The following BACH2 variants were observed in gnomAD, a reference collection of about 807,000 sequenced individuals.
BACH2 encodes transcription regulator protein BACH2.
Under a neutral mutation model 61.8 loss-of-function variants are expected in BACH2, and 5 were observed. The ratio of observed to expected loss-of-function variants is 0.08; its 90% CI spans 0.04 to 0.17. The LOEUF (loss-of-function observed/expected upper bound fraction) is 0.17. Ranked by LOEUF, BACH2 falls within the 10% of genes least tolerant of loss-of-function variation. The pLI is 1.00. For missense variants in BACH2, 824 were observed against 1,091.1 expected (o/e 0.76, Z 3.45); for synonymous variants, 446 against 440.1 (o/e 1.01, Z -0.17).
At chr6:90,145,006 G>A (rs1270049972) in intron 4 of BACH2, among the ~76,000 whole-genome samples, 1 of 152,134 alleles carries the variant, frequency 6.6e-6, no homozygotes, top group African/African-American at 2.4e-5. Flanking sequence ...CAGAGATCGT[G>A]ACCTTTCTGT....
At chr6:90,229,392 G>C (rs1345659163) in intron 3 of BACH2, among the ~76,000 whole-genome samples, 3 of 152,042 alleles carry the variant, frequency 2.0e-5, no homozygotes, top group African/African-American at 7.2e-5. Flanking sequence ...CTTGGGAGGC[G>C]GAGGTTGCGG....
chr6:90,181,450 G>C (rs1182790529), intron 4 of BACH2, among the ~76,000 whole-genome samples: 1 of 151,782 alleles, frequency 6.6e-6, no homozygotes, highest in Non-Finnish European at 1.5e-5. Flanking sequence ...AGACAAAAGA[G>C]GAAAAGTTGT....
chr6:90,160,949 G>A (rs917115395), intron 4 of BACH2, among the ~76,000 whole-genome samples: 4 of 152,080 alleles, frequency 2.6e-5, no homozygotes, highest in East Asian at 1.9e-4. Context: ...TTAGCTGGGC[G>A]TGGTGGCGTG....
intron 2 of BACH2, among the ~76,000 whole-genome samples, chr6:90,269,953 C>CCATTATAT (rs1482834019): frequency 2.0e-5 from 3 of 152,118 alleles, no homozygotes; most frequent in African/African-American, 7.2e-5. Flanking sequence ...TCTCCAGAGT[C>CCATTATAT]CATTATATCA....
chr6:90,161,013 G>A (rs900499015), intron 4 of BACH2, among the ~76,000 whole-genome samples: 11 of 151,720 alleles, frequency 7.3e-5, no homozygotes, highest in South Asian at 4.2e-4. Context: ...GCTTGAACCC[G>A]GGAGGCGGAG....
In BACH2 at chr6:90,295,691, T is replaced by C. The variant is rs560993459; in HGVS notation, c.-446+789A>G. Among the ~76,000 whole-genome samples the C allele has an allele frequency of 6.0e-5, 9 of 148,884 alleles. No individual in the cohort carries two copies. The South Asian group carries it at 1.5e-3, about 24-fold the overall frequency. Reference sequence around the variant, plus strand: ...TGTGTGTGTGTGTGTGTGTTGCACCTTGACTTCATGGAGGATCTGTGGGAG... The same window carrying C: ...TGTGTGTGTGTGTGTGTGTTGCACCCTGACTTCATGGAGGATCTGTGGGAG... On this transcript the variant is annotated intron_variant, in intron 1 of 8. Transcript: ENST00000257749.
intron 3 of BACH2, among the ~76,000 whole-genome samples, chr6:90,241,738 C>T (rs1770460372): frequency 6.6e-6 from 1 of 151,738 alleles, no homozygotes; most frequent in Non-Finnish European, 1.5e-5. Context: ...CAGGAAGTTG[C>T]CAAACTGCTT....
intron 5 of BACH2, among the ~76,000 whole-genome samples, chr6:90,075,206 A>C (rs1489109456): frequency 6.6e-6 from 1 of 152,204 alleles, no homozygotes; most frequent in Non-Finnish European, 1.5e-5. Context: ...CAAAAAGGAA[A>C]GATTTTAGTG....
chr6:90,137,999 C>T (rs1784333905), intron 4 of BACH2, among the ~76,000 whole-genome samples: 3 of 151,814 alleles, frequency 2.0e-5, no homozygotes, highest in Admixed American at 6.6e-5. Flanking sequence ...GCGATGACTT[C>T]GCAGATTCTC....
intron 3 of BACH2, among the ~76,000 whole-genome samples, chr6:90,231,013 A>G (rs1005014958): frequency 2.6e-5 from 4 of 152,004 alleles, no homozygotes; most frequent in African/African-American, 9.7e-5. Flanking sequence ...CTGTTTCCCA[A>G]TTGCTTCCTT....
intron 5 of BACH2, among the ~76,000 whole-genome samples, chr6:90,038,324 A>G (rs561584235): frequency 1.3e-5 from 2 of 152,114 alleles, no homozygotes; most frequent in Admixed American, 6.6e-5. Flanking sequence ...GCCCCATCCC[A>G]GTTGTTATTT....
At chr6:89,953,873 C>T (rs1023481405) in intron 6 of BACH2, among the ~76,000 whole-genome samples, 1 of 152,124 alleles carries the variant, frequency 6.6e-6, no homozygotes, top group African/African-American at 2.4e-5. Context: ...TTGTTTGCCC[C>T]GTGTCACAGT....
chr6:90,145,879 G>A (rs1010008843), intron 4 of BACH2, among the ~76,000 whole-genome samples: 26 of 152,258 alleles, frequency 1.7e-4, no homozygotes, highest in South Asian at 8.3e-4. Context: ...GGGAGAAACC[G>A]GTAGAGGAAG....
chr6:90,080,873 T>C (rs771720293), intron 5 of BACH2: 94 of 684,018 alleles, frequency 1.4e-4, no homozygotes, highest in Non-Finnish European at 1.6e-4. Flanking sequence ...GCAGCTCTGA[T>C]GAGATGTCTC....
intron 1 of BACH2, among the ~76,000 whole-genome samples, chr6:90,285,498 C>T (rs1327920410): frequency 1.3e-5 from 2 of 152,098 alleles, no homozygotes; most frequent in Non-Finnish European, 2.9e-5. Context: ...TATTATCAGC[C>T]CCTTTTGCCT....
At chr6:90,049,778 C>G in intron 5 of BACH2, among the ~76,000 whole-genome samples, 1 of 152,192 alleles carries the variant, frequency 6.6e-6, no homozygotes. Flanking sequence ...CTCTGTGTGA[C>G]AAAATGAGAT....
At chr6:90,062,907 C>T (rs1178693678) in intron 5 of BACH2, 5 of 985,200 alleles carry the variant, frequency 5.1e-6, no homozygotes, top group Non-Finnish European at 6.0e-6. Context: ...GACTTGAACA[C>T]ATTCCAGTTC....
chr6:90,086,682 C>T (rs1781945979), intron 5 of BACH2, among the ~76,000 whole-genome samples: 1 of 152,174 alleles, frequency 6.6e-6, no homozygotes, highest in East Asian at 1.9e-4. Flanking sequence ...TCTTTCCTTC[C>T]TGACCTGTAG....
chr6:89,964,071 G>A (rs145230295), intron 6 of BACH2, among the ~76,000 whole-genome samples: 10 of 152,206 alleles, frequency 6.6e-5, no homozygotes, highest in African/African-American at 2.4e-4. Context: ...TGGGAGGAGT[G>A]GGGAGGGATA....
Sources: gnomAD v4.1 joint callset for allele counts (sites outside exome capture counted in the v4.1 genomes callset) on GRCh38, gnomAD v4.1.1 for gene constraint, MANE v1.5 for transcripts, NCBI Gene and HGNC (gene_info 2026-07-23, HGNC 2026-07-21) for gene names.